The following LMBR1 variants were observed in gnomAD, a reference collection of about 807,000 sequenced individuals.
LMBR1 encodes limb region 1 protein homolog.
In LMBR1, 52 loss-of-function variants were observed where a neutral mutation model predicts 73.9. That is an observed-to-expected ratio of 0.70 (90% CI 0.56 to 0.89). The LOEUF is 0.89. Ranked by LOEUF, LMBR1 falls within the 40% of genes least tolerant of loss-of-function variation. LMBR1 has a pLI of 0.00. For synonymous variants in LMBR1, 215 were observed against 209.4 expected, an observed-to-expected ratio of 1.03 and a Z score of -0.23; for missense variants, 539 against 579.8, an observed-to-expected ratio of 0.93 and a Z score of 0.72.
intron 1 of LMBR1, among the ~76,000 whole-genome samples, chr7:156,873,065 G>A (rs1166660948): frequency 6.6e-6 from 1 of 152,008 alleles, no homozygotes; most frequent in Non-Finnish European, 1.5e-5. Context: ...GCCAAAATGT[G>A]TCCGGAATTA....
chr7:156,763,757 A>C lies in LMBR1; in HGVS notation c.462T>G (p.Leu154=), dbSNP rs765231166. 7.7e-5 allele frequency: 124 copies of C among 1,604,076 alleles called. No individual in the cohort carries two copies. The highest frequency in any genetic ancestry group is 3.9e-4 in the African/African-American group (29 of 74,358). The change falls in exon 6 of 17, where the codon CTT becomes CTG. Residue 154 remains leucine (L), a synonymous_variant. Transcript: ENST00000353442. The part of the protein sequence containing the change: ...RARILETLVM[L]LLLALLILGI... ...CAAGAATGAGTAACGCAAGAAGAAG[A>C]AGCATGACCAAAGTCTCTAAAATGC...
rs932568585 is a variant in LMBR1, at chr7:156,669,703, A to T, written n.867-416T>A. On this transcript the variant is annotated intron_variant and non_coding_transcript_variant, in intron 4 of 4. Transcript: ENST00000430825. The surrounding 1 kb of genome is among the most constrained non-coding windows in gnomAD (Gnocchi z 4.2). ...TCAGCAGCTGGGACCCAGACCAAAG[A>T]GGGTGAAGAGGGCAGGGCTGGGACT... Among the ~76,000 whole-genome samples the T allele has an allele frequency of 1.6e-4, 25 of 152,164 alleles. No individual in the cohort carries two copies. Among genetic ancestry groups the T allele is most frequent in the African/African-American group, 6.0e-4 (25 of 41,438 alleles).
At chr7:156,688,244 A>C in intron 15 of LMBR1, 53 bp from the exon 16 acceptor site, 1 of 1,303,370 alleles carries the variant, frequency 7.7e-7, no homozygotes, top group Non-Finnish European at 1.1e-6. Flanking sequence ...AGACATATTT[A>C]GTGTGCTACA....
At chr7:156,796,199 T>C (rs1256639194) in intron 5 of LMBR1, among the ~76,000 whole-genome samples, 190 bp downstream of exon 5, 1 of 152,222 alleles carries the variant, frequency 6.6e-6, no homozygotes, top group Non-Finnish European at 1.5e-5. Context: ...AAGATGTCTC[T>C]CTCTCATGGA....
At chr7:156,784,465 C>T (rs1303274474) in intron 5 of LMBR1, among the ~76,000 whole-genome samples, 1 of 152,108 alleles carries the variant, frequency 6.6e-6, no homozygotes, top group Non-Finnish European at 1.5e-5. Flanking sequence ...CCAGTACCCA[C>T]GTTCACTACT....
At chr7:156,704,628 G>A (rs1810513272) in intron 15 of LMBR1, among the ~76,000 whole-genome samples, 1 of 143,342 alleles carries the variant, frequency 7.0e-6, no homozygotes, top group African/African-American at 2.6e-5. Context: ...CAAAATGCCA[G>A]ATTAAAGCTC....
At chr7:156,719,467 T>C (rs1459047951) in intron 15 of LMBR1, among the ~76,000 whole-genome samples, 1 of 152,122 alleles carries the variant, frequency 6.6e-6, no homozygotes, top group Non-Finnish European at 1.5e-5. Flanking sequence ...TACAAACAAA[T>C]GGAAAAACAT....
At chr7:156,748,996 G>A (rs992759122) in intron 9 of LMBR1, among the ~76,000 whole-genome samples, 6 of 151,902 alleles carry the variant, frequency 3.9e-5, no homozygotes, top group African/African-American at 1.5e-4. Context: ...TGTGAATAAC[G>A]GCCCAAGAAG....
At chr7:156,833,842 C>A (rs376107887) in intron 2 of LMBR1, 50 bp from the exon 3 acceptor site, 5 of 1,158,794 alleles carry the variant, frequency 4.3e-6, no homozygotes, top group African/African-American at 3.1e-5. Flanking sequence ...TAACAAAATG[C>A]GTCATTAATT....
At chr7:156,804,368 CTG>C (rs1831615142) in intron 4 of LMBR1, among the ~76,000 whole-genome samples, 1 of 152,152 alleles carries the variant, frequency 6.6e-6, no homozygotes, top group African/African-American at 2.4e-5. Context: ...ATGTACAAGT[CTG>C]TGTAGACCTA....
chr7:156,851,337 C>G (rs1001624005), intron 1 of LMBR1, among the ~76,000 whole-genome samples: 1 of 151,424 alleles, frequency 6.6e-6, no homozygotes, highest in East Asian at 1.9e-4. Context: ...ATAAATTGCC[C>G]TGTGTCTTTC....
rs571373754 is a variant in LMBR1, at chr7:156,760,697, C to T, written c.684+1437G>A. Among the ~76,000 whole-genome samples, 4 of 152,236 alleles carry T rather than the reference C, an allele frequency of 2.6e-5. No homozygotes were observed. In the East Asian group the frequency reaches 7.7e-4, roughly 29 times the overall value. ...CAAGTGTGTATACAACATTTACATA[C>T]TTTTTGTAAAATGTATTTACGCATT... On this transcript the variant is annotated intron_variant, in intron 8 of 16. Transcript: ENST00000353442.
intron 5 of LMBR1, among the ~76,000 whole-genome samples, chr7:156,780,890 A>C (rs75353505): frequency 0.11 from 16,837 of 152,246 alleles, 978 homozygotes; most frequent in East Asian, 0.13. Flanking sequence ...ACAAAAGACA[A>C]CACCACATGG....
downstream of LMBR1, chr7:156,676,282 GA>G: frequency 6.4e-7 from 1 of 1,569,854 alleles, no homozygotes; most frequent in Non-Finnish European, 8.6e-7. Context: ...AAATGCATGT[GA>G]TTTTAACACA....
intron 3 of LMBR1, 100 bp from the exon 4 acceptor site, chr7:156,826,844 A>G (rs1835789544): frequency 8.9e-7 from 1 of 1,124,288 alleles, no homozygotes; most frequent in Non-Finnish European, 1.2e-6. Context: ...TAATCAAAAA[A>G]GCATTATATT....
At chr7:156,725,896 A>C (rs528173635) in intron 12 of LMBR1, 59 bp from the exon 13 acceptor site, 1 of 1,273,154 alleles carries the variant, frequency 7.9e-7, no homozygotes, top group South Asian at 1.3e-5. Context: ...TGGTTTCCCT[A>C]AAACAGCTGT....
chr7:156,868,354 T>G (rs757395061), intron 1 of LMBR1, among the ~76,000 whole-genome samples: 57 of 152,080 alleles, frequency 3.7e-4, no homozygotes, highest in Non-Finnish European at 7.6e-4. Context: ...CCCCCATGCC[T>G]GGCTAAGGAA....
Position 156,683,396 on chromosome 7 carries a change from CT to C in LMBR1, c.*681del, listed in dbSNP as rs1450057388. 5 of 152,732 alleles carry C rather than the reference CT, an allele frequency of 3.3e-5. No individual in the cohort carries two copies. Among genetic ancestry groups the C allele is most frequent in the African/African-American group, 1.2e-4 (5 of 41,568 alleles). The allele number at this position is 152,732 out of a possible 1,614,324, so 9.5% of individuals were successfully genotyped here. ...GATTACATGATACTTCCTACCACAG[CT>C]TATTAGACTGTACAACAGAAGATAT... is the stretch of plus-strand genomic sequence containing the variant. On this transcript the variant is annotated 3_prime_UTR_variant, in exon 17 of 17. Coordinates refer to ENST00000353442, the MANE Select transcript of LMBR1 (RefSeq NM_022458.4).
At chr7:156,789,077 T>C (rs1828714258) in intron 5 of LMBR1, among the ~76,000 whole-genome samples, 2 of 152,066 alleles carry the variant, frequency 1.3e-5, no homozygotes, top group Non-Finnish European at 2.9e-5. Context: ...AATCTAGCAT[T>C]ATAAAACAAC....
Sources: allele counts gnomAD v4.1 joint callset (sites outside exome capture counted in the v4.1 genomes callset), GRCh38; gene constraint gnomAD v4.1.1; non-coding constraint Gnocchi (gnomAD v3.1); transcripts MANE v1.5; gene names NCBI Gene and HGNC (gene_info 2026-07-23, HGNC 2026-07-21).